Variants in SEMA3A observed in about 807,000 individuals in gnomAD.
SEMA3A encodes the protein semaphorin-3A.
A neutral mutation model predicts 97.9 loss-of-function variants in SEMA3A; 29 were observed. The observed-to-expected ratio is 0.30, with a 90% CI of 0.22 to 0.40. The LOEUF is 0.40. Ranked by LOEUF, SEMA3A falls within the 10% of genes least tolerant of loss-of-function variation. The pLI, the probability that SEMA3A is intolerant of heterozygous loss-of-function variation, is 1.00. For synonymous variants in SEMA3A, 321 were observed against 323.7 expected, an observed-to-expected ratio of 0.99 and a Z score of 0.09; for missense variants, 763 against 951.3, an observed-to-expected ratio of 0.80 and a Z score of 2.60.
At chr7:84,167,618 G>C (rs908949141) in intron 1 of SEMA3A, among the ~76,000 whole-genome samples, 1 of 152,092 alleles carries the variant, frequency 6.6e-6, no homozygotes, top group African/African-American at 2.4e-5. Context: ...TATGAGGTGG[G>C]GTAGAGTGCA....
At chr7:84,042,544 A>G (rs1188364693) in intron 6 of SEMA3A, among the ~76,000 whole-genome samples, 1 of 152,070 alleles carries the variant, frequency 6.6e-6, no homozygotes, top group African/African-American at 2.4e-5. Flanking sequence ...GAAGTGGGAT[A>G]AAGGATACTC....
chr7:84,283,027 T>C (rs1285545606), intron 3 of SEMA3A, among the ~76,000 whole-genome samples: 2 of 152,022 alleles, frequency 1.3e-5, no homozygotes, highest in Admixed American at 6.6e-5. Flanking sequence ...AAAAAGCATT[T>C]TTTTTTAAGT....
intron 7 of SEMA3A, 131 bp from the exon 8 acceptor site, chr7:84,011,428 A>T: frequency 1.5e-6 from 1 of 656,466 alleles, no homozygotes; most frequent in East Asian, 2.7e-5. Flanking sequence ...TAATCATTTT[A>T]AATGACCAGA....
At chr7:84,342,996 G>C (rs1802208163) in intron 2 of SEMA3A, among the ~76,000 whole-genome samples, 1 of 152,132 alleles carries the variant, frequency 6.6e-6, no homozygotes, top group African/African-American at 2.4e-5. Context: ...TATTTAATGA[G>C]CATTTACCAA....
chr7:83,995,363 A>G (rs1054033947), intron 12 of SEMA3A, among the ~76,000 whole-genome samples: 1 of 152,172 alleles, frequency 6.6e-6, no homozygotes, highest in African/African-American at 2.4e-5. Flanking sequence ...TATTTCATAT[A>G]TGAATGGTGA....
At chr7:84,332,202 G>A (rs942281011) in intron 2 of SEMA3A, among the ~76,000 whole-genome samples, 22 of 152,060 alleles carry the variant, frequency 1.4e-4, no homozygotes, top group Non-Finnish European at 7.4e-5. Context: ...GCTCATAGCA[G>A]ATGTTCCTAT....
chr7:83,968,897 G>A (rs1788819367), intron 15 of SEMA3A, among the ~76,000 whole-genome samples: 2 of 128,130 alleles, frequency 1.6e-5, no homozygotes, highest in Middle Eastern at 5.0e-3. Flanking sequence ...TGCAACCTCC[G>A]CCTCCCAGGT....
At chr7:84,240,519 C>T (rs373487480) in intron 3 of SEMA3A, among the ~76,000 whole-genome samples, 23 of 152,180 alleles carry the variant, frequency 1.5e-4, no homozygotes, top group Admixed American at 3.9e-4. Context: ...GAGGAAAGGG[C>T]CACGAGAGAG....
chr7:84,306,027 G>A (rs1459463633), intron 3 of SEMA3A, among the ~76,000 whole-genome samples: 1 of 151,472 alleles, frequency 6.6e-6, no homozygotes, highest in Non-Finnish European at 1.5e-5. Context: ...CATTTTTGAG[G>A]TTTTTAGTGC....
chr7:84,190,010 A>G (rs995452209), intron 1 of SEMA3A, among the ~76,000 whole-genome samples: 1 of 151,752 alleles, frequency 6.6e-6, no homozygotes, highest in African/African-American at 2.4e-5. Flanking sequence ...CTAAAAAGTT[A>G]GAATTGGGAA....
intron 2 of SEMA3A, among the ~76,000 whole-genome samples, chr7:84,364,443 C>T (rs1382309794): frequency 6.6e-6 from 1 of 151,700 alleles, no homozygotes; most frequent in Non-Finnish European, 1.5e-5. Flanking sequence ...AGAAATCCAT[C>T]ACCCTTTTGG....
chr7:83,973,221 T>C (rs1040411179), intron 15 of SEMA3A, among the ~76,000 whole-genome samples: 1 of 152,148 alleles, frequency 6.6e-6, no homozygotes, highest in Non-Finnish European at 1.5e-5. Context: ...TCAAGGAGTA[T>C]TTTTTAATCT....
intron 2 of SEMA3A, among the ~76,000 whole-genome samples, chr7:84,131,980 T>C (rs1253117642): frequency 1.3e-5 from 2 of 152,036 alleles, no homozygotes; most frequent in Non-Finnish European, 2.9e-5. Context: ...TTTATTTATT[T>C]ATGTATTTAT....
chr7:84,356,438 T>C (rs975995376), intron 2 of SEMA3A, among the ~76,000 whole-genome samples: 1 of 151,536 alleles, frequency 6.6e-6, no homozygotes, highest in African/African-American at 2.4e-5. Flanking sequence ...ACATATTGTA[T>C]ATTATAAGAA....
rs1158335378 is a variant in SEMA3A at position 84,313,329 on chromosome 7, CAT to C, written c.-168-6039_-168-6038del. 5.3e-3 allele frequency among the ~76,000 whole-genome samples: 464 copies of C among 87,498 alleles called. 7 individuals carry two copies. Among genetic ancestry groups the C allele is most frequent in the African/African-American group, 0.018 (381 of 20,906 alleles). 57.4% of individuals were successfully genotyped at this position (87,498 alleles called of 152,430 possible). Reference sequence around the variant, plus strand: ...GTATTATATACGTGTGTATATAATACATATATATATATGTATATGTGTGTGTG... The same window carrying C: ...GTATTATATACGTGTGTATATAATACATATATATATGTATATGTGTGTGTG... On this transcript the variant is annotated intron_variant, in intron 2 of 3. Transcript: ENST00000424555.
At chr7:84,273,931 G>C (rs898055394) in intron 3 of SEMA3A, among the ~76,000 whole-genome samples, 1 of 151,822 alleles carries the variant, frequency 6.6e-6, no homozygotes, top group Non-Finnish European at 1.5e-5. Context: ...AAATTTCATA[G>C]TGCATTCTCC....
At chr7:84,226,623 C>G (rs1798995361) in intron 3 of SEMA3A, among the ~76,000 whole-genome samples, 1 of 151,932 alleles carries the variant, frequency 6.6e-6, no homozygotes, top group African/African-American at 2.4e-5. Flanking sequence ...AAATTTATAG[C>G]CAATATTGTA....
chr7:84,460,412 AAAAC>A (rs1805799778), intron 1 of SEMA3A, among the ~76,000 whole-genome samples: 1 of 152,004 alleles, frequency 6.6e-6, no homozygotes, highest in Admixed American at 6.6e-5. Context: ...TCAGAAAAAA[AAAAC>A]AGTGAGAAGG....
intron 12 of SEMA3A, among the ~76,000 whole-genome samples, chr7:84,001,069 G>GTTT (rs34816248): frequency 1.4e-5 from 2 of 147,848 alleles, no homozygotes. Context: ...TCTAATACGT[G>GTTT]TTTTTTTTTT....
Sources: allele counts gnomAD v4.1 joint callset (sites outside exome capture counted in the v4.1 genomes callset), GRCh38; gene constraint gnomAD v4.1.1; transcripts MANE v1.5; gene names NCBI Gene and HGNC (gene_info 2026-07-23, HGNC 2026-07-21).